STARD8: variants seen among roughly 807,000 people sequenced by gnomAD.
The protein encoded by STARD8 is stAR-related lipid transfer protein 8.
STARD8 carries 25 observed loss-of-function variants against 69.4 expected under a neutral mutation model. The ratio of observed to expected loss-of-function variants is 0.36; its 90% CI spans 0.26 to 0.50. The LOEUF is 0.50. STARD8 is among the 20% of genes least tolerant of loss of function. The pLI is 0.96. For synonymous variants in STARD8, 389 were observed against 374.6 expected (o/e 1.04, Z -0.45); for missense variants, 921 against 932.5 (o/e 0.99, Z 0.16).
chrX:68,672,589 G>A (rs180965290), intron 2 of STARD8, among the ~76,000 whole-genome samples: 42 of 111,998 alleles, frequency 3.8e-4, no homozygotes, highest in African/African-American at 1.1e-3. Flanking sequence ...TCTGCCTGGG[G>A]AGAAGGCAGA....
chrX:68,719,115 C>T, intron 6 of STARD8, 110 bp from the exon 7 acceptor site: 1 of 950,973 alleles, frequency 1.1e-6, no homozygotes, highest in Non-Finnish European at 1.4e-6. Context: ...TCCCAGCTCC[C>T]TGCATTTTTT....
At chrX:68,687,779 G>A (rs914702565) in intron 2 of STARD8, among the ~76,000 whole-genome samples, 11 of 111,876 alleles carry the variant, frequency 9.8e-5, no homozygotes, top group African/African-American at 3.6e-4. Flanking sequence ...TTCCTTGGGG[G>A]CCTGTCCATA....
chrX:68,695,617 G>T (rs1236623708), intron 2 of STARD8, among the ~76,000 whole-genome samples: 2 of 111,189 alleles, frequency 1.8e-5, no homozygotes, highest in African/African-American at 3.3e-5. Flanking sequence ...AAGCAAAGGG[G>T]CTGTGTGCGC....
chrX:68,668,334 T>G (rs1569355619), intron 2 of STARD8, among the ~76,000 whole-genome samples: 1 of 101,282 alleles, frequency 9.9e-6, no homozygotes, highest in Non-Finnish European at 2.0e-5. Flanking sequence ...CTTCCTTCCT[T>G]TTTTTTTCTA....
chrX:68,648,070 C>T (rs1282541088), intron 1 of STARD8, 143 bp downstream of exon 1: 7 of 709,799 alleles, frequency 9.9e-6, no homozygotes, highest in Non-Finnish European at 1.4e-5. Flanking sequence ...GGCTTGGGTT[C>T]AAGTCTCACC....
intron 2 of STARD8, among the ~76,000 whole-genome samples, chrX:68,709,274 G>C (rs1383584377): frequency 8.9e-6 from 1 of 112,350 alleles, no homozygotes; most frequent in Non-Finnish European, 1.9e-5. Flanking sequence ...CCTCTTTGAA[G>C]GCTCCTTACC....
rs751765283 is a variant in STARD8 at position 68,669,646 on chromosome X, G to T, written c.79+4114G>T. Among the ~76,000 whole-genome samples the T allele has an allele frequency of 2.7e-5, 3 of 111,987 alleles. No homozygotes were observed. In the Admixed American group the frequency reaches 2.8e-4, roughly 11 times the overall value. On this transcript the variant is annotated intron_variant, in intron 2 of 14. Transcript: ENST00000374599. Reference sequence around the variant, plus strand: ...GCTGAGGTGGCCTGGTGGGGTAATAGTTTGCCTGTAACAAGAGCCCCTGCT... The same window carrying T: ...GCTGAGGTGGCCTGGTGGGGTAATATTTTGCCTGTAACAAGAGCCCCTGCT...
rs1479017273 is a variant in STARD8 at position 68,717,776 on chromosome X, C to A, written c.862C>A (p.His288Asn). The A allele has an allele frequency of 8.3e-7, 1 of 1,210,603 alleles. No individual in the cohort carries two copies. Residue 288 changes from histidine (H) to asparagine (N), a missense_variant, in exon 6 of 15, where the codon CAT becomes AAT. Physicochemically the swap from His to Asn is moderately conservative, Grantham distance 68. Transcript: ENST00000374599. ...GGCCTGGCCTGTGGCCTCGTTCCGGCATCCTCAGTGGACACACCGGGGTGA... is the reference window on the plus strand; with the variant it reads ...GGCCTGGCCTGTGGCCTCGTTCCGGAATCCTCAGTGGACACACCGGGGTGA... ...WEAWPVASFR[H>N]PQWTHRGDCL... is the part of the protein sequence containing the mutation.
chrX:68,659,924 G>T (rs1393977764), intron 1 of STARD8, among the ~76,000 whole-genome samples: 1 of 111,457 alleles, frequency 9.0e-6, no homozygotes, highest in Non-Finnish European at 1.9e-5. Flanking sequence ...GAGGGAGTAG[G>T]AATTTTTGCC....
In STARD8 at chrX:68,718,031, G is replaced by A. The variant is rs2080110497; in HGVS notation, c.1117G>A (p.Ala373Thr). ...PAEPVMVGAE[A>T]EDEDDEESGG... ...TGAGCCTGTAATGGTTGGGGCTGAGGCTGAAGATGAAGATGATGAGGAGAG... is the reference window on the plus strand; with the variant it reads ...TGAGCCTGTAATGGTTGGGGCTGAGACTGAAGATGAAGATGATGAGGAGAG... Residue 373 changes from alanine to threonine, a missense_variant, in exon 6 of 15, where the codon GCT becomes ACT. Transcript: ENST00000374599. 8.3e-7 allele frequency: 1 copy of A among 1,209,211 alleles called. No homozygotes were observed. The highest frequency in any genetic ancestry group is 2.2e-5 in the Admixed American group (1 of 45,764).
intron 1 of STARD8, among the ~76,000 whole-genome samples, chrX:68,653,536 G>A (rs749110017): frequency 4.1e-4 from 2 of 4,830 alleles, no homozygotes; most frequent in Non-Finnish European, 8.2e-4. Flanking sequence ...ACACACCACA[G>A]CACACACACA....
intron 1 of STARD8, among the ~76,000 whole-genome samples, chrX:68,661,705 A>G (rs1178609118): frequency 9.0e-6 from 1 of 111,573 alleles, no homozygotes; most frequent in Non-Finnish European, 1.9e-5. Context: ...GGCCAGAAAC[A>G]TTGGGGTCAT....
intron 2 of STARD8, among the ~76,000 whole-genome samples, chrX:68,684,320 C>T (rs1469129549): frequency 3.6e-5 from 4 of 111,992 alleles, no homozygotes; most frequent in Non-Finnish European, 7.5e-5. Context: ...AGTGAATCTT[C>T]GGAGCTCTTT....
intron 3 of STARD8, 81 bp from the exon 4 acceptor site, chrX:68,715,213 G>T: frequency 1.2e-6 from 1 of 863,582 alleles, no homozygotes; most frequent in South Asian, 2.5e-5. Flanking sequence ...CTTCCTGGCC[G>T]TTCCCTTCCA....
At chrX:68,650,782 C>CAAACAAAACAAAACAAAACA (rs199558734) in intron 1 of STARD8, among the ~76,000 whole-genome samples, 15 of 88,728 alleles carry the variant, frequency 1.7e-4, no homozygotes, top group South Asian at 1.4e-3. Context: ...GGCTATGTCT[C>CAAACAAAACAAAACAAAACA]AAACAAAACA....
intron 2 of STARD8, among the ~76,000 whole-genome samples, chrX:68,695,599 G>A (rs1483457816): frequency 9.0e-6 from 1 of 111,164 alleles, no homozygotes; most frequent in Non-Finnish European, 1.9e-5. Flanking sequence ...CTGAACTGAA[G>A]GTGTGCAAAG....
At chrX:68,691,081 T>G (rs931160096) in intron 2 of STARD8, among the ~76,000 whole-genome samples, 2 of 111,342 alleles carry the variant, frequency 1.8e-5, no homozygotes, top group African/African-American at 6.5e-5. Context: ...CATGGTAGAA[T>G]GAGGAAAGCC....
At chrX:68,709,792 C>A (rs773213964) in intron 2 of STARD8, among the ~76,000 whole-genome samples, 5 of 109,266 alleles carry the variant, frequency 4.6e-5, no homozygotes, top group African/African-American at 1.7e-4. Context: ...CACTGCACTC[C>A]AGCTTGGTTG....
intron 2 of STARD8, among the ~76,000 whole-genome samples, chrX:68,689,013 A>T (rs1054591826): frequency 9.6e-6 from 1 of 103,634 alleles, no homozygotes; most frequent in African/African-American, 3.5e-5. Context: ...GCCAGGGAGA[A>T]GCAAGCTCCA....
Sources: allele counts gnomAD v4.1 joint callset (sites outside exome capture counted in the v4.1 genomes callset), GRCh38; gene constraint gnomAD v4.1.1; transcripts MANE v1.5; gene names NCBI Gene and HGNC (gene_info 2026-07-23, HGNC 2026-07-21).